NCKAP5: variants seen among roughly 807,000 people sequenced by gnomAD.
NCKAP5 encodes the protein NCK associated protein 5.
NCKAP5 carries 92 observed loss-of-function variants against 167.0 expected under a neutral mutation model. The ratio of observed to expected loss-of-function variants is 0.55; its 90% CI spans 0.47 to 0.66. The LOEUF is 0.66. NCKAP5 is among the 30% of genes least tolerant of loss of function. NCKAP5 has a pLI of 0.00. For synonymous variants in NCKAP5, 891 were observed against 877.4 expected (o/e 1.02, Z -0.27); for missense variants, 2,378 against 2,315.0 (o/e 1.03, Z -0.56).
the NCKAP5 span, among the ~76,000 whole-genome samples, chr2:133,594,568 G>A: frequency 2.0e-5 from 3 of 152,230 alleles, no homozygotes; most frequent in African/African-American, 7.2e-5. Context: ...AGAACCAGGA[G>A]GTCCCACTTA....
At chr2:133,143,980 A>G (rs1157031501) in intron 5 of NCKAP5, among the ~76,000 whole-genome samples, 1 of 152,070 alleles carries the variant, frequency 6.6e-6, no homozygotes, top group East Asian at 1.9e-4. Context: ...CAACCAGCAA[A>G]CCAACTGATG....
the NCKAP5 span, among the ~76,000 whole-genome samples, chr2:133,611,331 G>A: frequency 6.6e-6 from 1 of 151,896 alleles, no homozygotes. Context: ...CTTCTTCAAG[G>A]TTACAGCAGC....
At chr2:133,274,747 A>T (rs35329428) in intron 4 of NCKAP5, among the ~76,000 whole-genome samples, 15,787 of 151,864 alleles carry the variant, frequency 0.1, 1,064 homozygotes, top group Middle Eastern at 0.19. Context: ...ATTACTGTCA[A>T]AAAATGGCAC....
At chr2:133,303,168 G>T in intron 3 of NCKAP5, 58 bp from the exon 4 acceptor site, 1 of 1,181,584 alleles carries the variant, frequency 8.5e-7, no homozygotes, top group East Asian at 2.5e-5. Context: ...ACCATCCTAA[G>T]ACCCTGACCT....
At chr2:133,079,581 T>C (rs1285437065) in intron 6 of NCKAP5, among the ~76,000 whole-genome samples, 2 of 152,120 alleles carry the variant, frequency 1.3e-5, no homozygotes, top group Non-Finnish European at 2.9e-5. Flanking sequence ...ATTAAAAATA[T>C]CTCTTAGGGT....
chr2:133,500,017 AG>A (rs1402925313), intron 3 of NCKAP5, among the ~76,000 whole-genome samples: 1 of 152,164 alleles, frequency 6.6e-6, no homozygotes, highest in African/African-American at 2.4e-5. Context: ...TTGATTACCT[AG>A]AAATGTATCT....
At chr2:133,484,826 G>C (rs1680764200) in intron 3 of NCKAP5, among the ~76,000 whole-genome samples, 1 of 152,098 alleles carries the variant, frequency 6.6e-6, no homozygotes, top group Admixed American at 6.5e-5. Flanking sequence ...ATTGAAATCT[G>C]AAAGACTTCT....
At chr2:133,608,661 T>C in the NCKAP5 span, among the ~76,000 whole-genome samples, 7 of 152,198 alleles carry the variant, frequency 4.6e-5, no homozygotes, top group East Asian at 1.9e-4. Context: ...AAGGTTTTGT[T>C]TGAGCCTCAA....
At chr2:133,209,685 G>GA (rs1266759521) in intron 5 of NCKAP5, among the ~76,000 whole-genome samples, 2 of 152,074 alleles carry the variant, frequency 1.3e-5, no homozygotes, top group East Asian at 3.9e-4. Context: ...AACATTGCTA[G>GA]AAAAACTGCT....
chr2:132,753,060 C>A (rs562547773), intron 16 of NCKAP5, among the ~76,000 whole-genome samples: 2 of 152,320 alleles, frequency 1.3e-5, no homozygotes, highest in South Asian at 4.1e-4. Context: ...AAAAGTTAAT[C>A]TCATCCAAAC....
Position 132,859,007 on chromosome 2 carries a change from C to A in NCKAP5, c.807+1485G>T, listed in dbSNP as rs555304555. Among the ~76,000 whole-genome samples the A allele has an allele frequency of 3.3e-5, 5 of 152,230 alleles. No homozygotes were observed. The South Asian group carries it at 1.0e-3, about 32-fold the overall frequency. ...TTTAAAAGTAATTCTAATATTGAATCTTGATGATGAGATTGCAAAAGAAAC... is the reference window on the plus strand; with the variant it reads ...TTTAAAAGTAATTCTAATATTGAATATTGATGATGAGATTGCAAAAGAAAC... On this transcript the variant is annotated intron_variant, in intron 11 of 19. Transcript: ENST00000409261.
chr2:132,859,571 A>G lies in NCKAP5; in HGVS notation c.807+921T>C, dbSNP rs1252398414. ...AAAATTAAAATTTAAATAGCCCTAC[A>G]TGGCTAGTGGTTATAGTGCTGGACA... On this transcript the variant is annotated intron_variant, in intron 11 of 19. Coordinates refer to ENST00000409261, the MANE Select transcript of NCKAP5 (RefSeq NM_207363.3). 3.9e-5 allele frequency among the ~76,000 whole-genome samples: 6 copies of G among 152,188 alleles called. No homozygotes were observed. In the East Asian group the frequency reaches 7.7e-4, roughly 20 times the overall value.
intron 3 of NCKAP5, among the ~76,000 whole-genome samples, chr2:133,450,091 C>G (rs897906701): frequency 6.6e-6 from 1 of 152,136 alleles, no homozygotes; most frequent in Admixed American, 6.5e-5. Context: ...TGAGGCAATA[C>G]AGGCCAAGTT....
At chr2:132,684,144 C>T (rs1421531408) in intron 19 of NCKAP5, among the ~76,000 whole-genome samples, 2 of 152,228 alleles carry the variant, frequency 1.3e-5, no homozygotes, top group Admixed American at 6.5e-5. Context: ...TTTTGTCTCA[C>T]ATGCACAGGA....
chr2:132,872,666 A>G (rs1037420832), intron 9 of NCKAP5, among the ~76,000 whole-genome samples: 67 of 152,180 alleles, frequency 4.4e-4, no homozygotes, highest in African/African-American at 1.6e-3. Context: ...GCTTGCTTTC[A>G]TATCTTCATG....
intron 3 of NCKAP5, among the ~76,000 whole-genome samples, chr2:133,393,877 A>C (rs1687576387): frequency 6.6e-6 from 1 of 152,246 alleles, no homozygotes; most frequent in Non-Finnish European, 1.5e-5. Context: ...TTAGGAAGGA[A>C]TCAAGAAGCA....
intron 4 of NCKAP5, among the ~76,000 whole-genome samples, chr2:133,289,121 CCAAA>C (rs1198016528): frequency 6.6e-6 from 1 of 152,080 alleles, no homozygotes; most frequent in Non-Finnish European, 1.5e-5. Context: ...GACAAAATCA[CCAAA>C]CAGTTAGAAT....
Position 133,262,643 on chromosome 2 carries a change from G to A in NCKAP5, c.143+40394C>T, listed in dbSNP as rs907021513. Among the ~76,000 whole-genome samples, 25 of 152,252 alleles carry A rather than the reference G, an allele frequency of 1.6e-4. 1 individual carries two copies. Among genetic ancestry groups the A allele is most frequent in the Middle Eastern group, 6.8e-3 (2 of 294 alleles). On this transcript the variant is annotated intron_variant, in intron 4 of 19. Coordinates refer to ENST00000409261, the MANE Select transcript of NCKAP5 (RefSeq NM_207363.3). ...TAATATCCAGGAAGCAATCCCCGTC[G>A]GGGCAACAGCCTTCAGGAGCAATAC...
intron 4 of NCKAP5, among the ~76,000 whole-genome samples, chr2:133,259,779 G>C (rs1021922175): frequency 2.6e-5 from 4 of 152,196 alleles, no homozygotes; most frequent in African/African-American, 4.8e-5. Context: ...AAGAGGGACA[G>C]GTCTTTTGGG....
Sources: allele counts gnomAD v4.1 joint callset (sites outside exome capture counted in the v4.1 genomes callset), GRCh38; gene constraint gnomAD v4.1.1; transcripts MANE v1.5; gene names NCBI Gene and HGNC (gene_info 2026-07-23, HGNC 2026-07-21).